ING5: variants seen among roughly 807,000 people sequenced by gnomAD.
The protein encoded by ING5 is inhibitor of growth protein 5.
A neutral mutation model predicts 37.4 loss-of-function variants in ING5; 17 were observed. The observed-to-expected ratio is 0.45, with a 90% CI of 0.31 to 0.68. The LOEUF (loss-of-function observed/expected upper bound fraction) is 0.68. Ranked by LOEUF, ING5 falls within the 30% of genes least tolerant of loss-of-function variation. The pLI is 0.05. For missense variants in ING5, 233 were observed against 311.9 expected (o/e 0.75, Z 1.91); for synonymous variants, 123 against 116.6 (o/e 1.06, Z -0.36).
Position 241,712,029 on chromosome 2 carries a change from C to T in ING5, c.440C>T (p.Thr147Ile). ...KRGSRGRGRR[T>I]SEEDTPKKKK... ...GGGTCCCGGGGCCGAGGCAGGAGGA[C>T]ATCAGAGGAAGACACACCAAAGAAA... is the stretch of plus-strand genomic sequence containing the variant. Residue 147 changes from threonine (T) to isoleucine (I), a missense_variant, in exon 5 of 8, where the codon ACA becomes ATA. Physicochemically the swap from Thr to Ile is moderately conservative, Grantham distance 89. Coordinates refer to ENST00000313552, the MANE Select transcript of ING5 (RefSeq NM_032329.6). 6.2e-7 allele frequency: 1 copy of T among 1,612,732 alleles called. No individual in the cohort carries two copies. Among genetic ancestry groups the T allele is most frequent in the Non-Finnish European group, 8.5e-7 (1 of 1,179,450 alleles).
At position 241,711,708 on chromosome 2, in the gene ING5, CTGGGCAACATAGCGAG is replaced by C. The variant is rs367900536; in HGVS notation, c.388+221_388+236del. On this transcript the variant is annotated intron_variant, in intron 4 of 7. Coordinates refer to ENST00000313552, the MANE Select transcript of ING5 (RefSeq NM_032329.6). ...TTGAGGCTAGGAGTTTGAGACCAAC[CTGGGCAACATAGCGAG>C]ACCTCATCTCAACAAAAAATTTAAA... The C allele has an allele frequency of 2.4e-3, 1,345 of 568,336 alleles. 9 individuals are homozygous for C. The highest frequency in any genetic ancestry group is 0.022 in the African/African-American group (1,181 of 52,850). 35.2% of individuals were successfully genotyped at this position (568,336 alleles called of 1,614,324 possible).
Position 241,725,868 on chromosome 2 carries a change from C to G in ING5, c.*837C>G, listed in dbSNP as rs535399663. The G allele has an allele frequency of 7.2e-5, 11 of 152,776 alleles. No individual in the cohort carries two copies. The East Asian group carries it at 2.1e-3, about 29-fold the overall frequency. 9.5% of individuals were successfully genotyped at this position (152,776 alleles called of 1,614,324 possible). ...GTGAGTCCCGTCTGCCAGGAGCTGA[C>G]GAACCACGAATGCTTCTGCCTGTGC... On this transcript the variant is annotated 3_prime_UTR_variant, in exon 8 of 8. Coordinates refer to ENST00000313552, the MANE Select transcript of ING5 (RefSeq NM_032329.6).
chr2:241,709,262 G>A lies in ING5; in HGVS notation c.156G>A (p.Thr52=), dbSNP rs751499654. Residue 52 remains threonine (T), a synonymous_variant, in exon 3 of 8, where the codon ACG becomes ACA. Transcript: ENST00000313552. The stretch of plus-strand genomic sequence containing the variant: ...TCCTGGCTGCAGAGTACATCTCCAC[G>A]GTGAAGACGCTGTCTCCAGACCAGC... ...IDILAAEYIS[T]VKTLSPDQRV... 2.7e-5 allele frequency: 44 copies of A among 1,613,888 alleles called. No homozygotes were observed. The highest frequency in any genetic ancestry group is 8.9e-5 in the East Asian group (4 of 44,886).
At chr2:241,709,938 A>T (rs561623838) in intron 3 of ING5, among the ~76,000 whole-genome samples, 1,952 of 151,046 alleles carry the variant, frequency 0.013, 46 homozygotes, top group African/African-American at 0.045. Context: ...TTATTTATTT[A>T]TTTTATTTAT....
intron 2 of ING5, among the ~76,000 whole-genome samples, chr2:241,707,173 G>A (rs2124896086): frequency 6.6e-6 from 1 of 151,838 alleles, no homozygotes; most frequent in Non-Finnish European, 1.5e-5. Flanking sequence ...TGATCAGGTT[G>A]GTCTCAAACT....
intron 2 of ING5, among the ~76,000 whole-genome samples, chr2:241,705,478 A>G (rs1400230246): frequency 2.8e-5 from 4 of 143,570 alleles, no homozygotes; most frequent in Non-Finnish European, 6.0e-5. Context: ...GCTCACTGCA[A>G]CCTCCACCTC....
intron 3 of ING5, among the ~76,000 whole-genome samples, chr2:241,710,381 C>A (rs1342579746): frequency 6.6e-6 from 1 of 152,174 alleles, no homozygotes; most frequent in African/African-American, 2.4e-5. Context: ...CAGTTCAGTG[C>A]AACCTCCACT....
intron 5 of ING5, among the ~76,000 whole-genome samples, chr2:241,713,340 G>T (rs1162287059): frequency 1.3e-5 from 2 of 148,698 alleles, no homozygotes; most frequent in African/African-American, 5.0e-5. Context: ...TTACAGGCAT[G>T]AGCCATCACA....
chr2:241,712,253 G>A (rs531261409), intron 5 of ING5, 182 bp downstream of exon 5: 18 of 553,586 alleles, frequency 3.3e-5, no homozygotes, highest in South Asian at 2.5e-4. Flanking sequence ...AGGGGGTGCC[G>A]TTGTCAGGGG....
chr2:241,720,768 G>T, intron 5 of ING5: 2 of 985,520 alleles, frequency 2.0e-6, no homozygotes, highest in South Asian at 4.7e-5. Flanking sequence ...GTCAGCAGCC[G>T]CTGACAGTTG....
In ING5 at chr2:241,712,314, G is replaced by T. The variant is rs556651827; in HGVS notation, c.482+243G>T. ...CCAGGCTTTAGGGCTGCTGTGGTGCGGCTGGGCTGCACCTGGAGTCTGACT... is the reference window on the plus strand; with the variant it reads ...CCAGGCTTTAGGGCTGCTGTGGTGCTGCTGGGCTGCACCTGGAGTCTGACT... On this transcript the variant is annotated intron_variant, in intron 5 of 7. Transcript: ENST00000313552. 5 of 423,810 alleles carry T rather than the reference G, an allele frequency of 1.2e-5. No individual in the cohort carries two copies. In the East Asian group the frequency reaches 2.0e-4, roughly 17 times the overall value. The allele number at this position is 423,810 out of a possible 1,614,324, so 26.3% of individuals were successfully genotyped here.
At chr2:241,718,294 T>C (rs1040543545) in intron 5 of ING5, among the ~76,000 whole-genome samples, 2 of 150,406 alleles carry the variant, frequency 1.3e-5, no homozygotes, top group African/African-American at 4.9e-5. Flanking sequence ...CCTTCTTTCT[T>C]TCCTTCCTTC....
At chr2:241,707,988 C>T (rs971738608) in intron 2 of ING5, among the ~76,000 whole-genome samples, 4 of 152,180 alleles carry the variant, frequency 2.6e-5, no homozygotes, top group Admixed American at 1.3e-4. Flanking sequence ...ACCTCTGCCT[C>T]CTGGGTGCAA....
chr2:241,687,258 G>T, exon 1 of ING5: 1 of 398,008 alleles, frequency 2.5e-6, no homozygotes, highest in East Asian at 3.6e-5. Flanking sequence ...TGAGGGCTCC[G>T]GTCACGCGGC....
chr2:241,720,905 G>A, intron 5 of ING5: 1 of 985,620 alleles, frequency 1.0e-6, no homozygotes, highest in Non-Finnish European at 1.2e-6. Context: ...AGAGGCCAGT[G>A]AGGCCTGCAC....
Position 241,725,513 on chromosome 2 carries a change from G to A in ING5, c.*482G>A, listed in dbSNP as rs1198080847. ...GGCGGCGGCTGCCCTCCTCACACTC[G>A]GCTCCGCGCCGCCTCCGGCCACCGT... On this transcript the variant is annotated 3_prime_UTR_variant, in exon 8 of 8. Transcript: ENST00000313552. 1 of 152,310 alleles carries A rather than the reference G, an allele frequency of 6.6e-6. No individual in the cohort carries two copies. The highest frequency in any genetic ancestry group is 1.5e-5 in the Non-Finnish European group (1 of 68,286). 9.4% of individuals were successfully genotyped at this position (152,310 alleles called of 1,614,324 possible).
intron 7 of ING5, 165 bp from the exon 8 acceptor site, chr2:241,724,810 CCGCACGTGCATCGG>C (rs1691543960): frequency 3.2e-6 from 2 of 617,278 alleles, no homozygotes; most frequent in Non-Finnish European, 5.7e-6. Flanking sequence ...CTGCATAGAG[CCGCACGTGCATCGG>C]CGCATTTTCC....
chr2:241,712,566 GA>G (rs1488202239), intron 5 of ING5, among the ~76,000 whole-genome samples: 1 of 152,104 alleles, frequency 6.6e-6, no homozygotes, highest in East Asian at 1.9e-4. Context: ...AGTTTTTTGA[GA>G]TACTTTATTT....
intron 2 of ING5, among the ~76,000 whole-genome samples, chr2:241,705,304 T>G (rs2069869482): frequency 6.6e-6 from 1 of 151,584 alleles, no homozygotes; most frequent in African/African-American, 2.4e-5. Context: ...GGTCTTGATC[T>G]CCTCACCTCA....
Sources: gnomAD v4.1 joint callset for allele counts (sites outside exome capture counted in the v4.1 genomes callset) on GRCh38, gnomAD v4.1.1 for gene constraint, MANE v1.5 for transcripts, NCBI Gene and HGNC (gene_info 2026-07-23, HGNC 2026-07-21) for gene names.